Variants in MKX observed in about 807,000 individuals in gnomAD.
The protein encoded by MKX is homeobox protein Mohawk.
In MKX, 13 loss-of-function variants were observed where a neutral mutation model predicts 36.0. The observed-to-expected ratio is 0.36, with a 90% CI of 0.24 to 0.57. The LOEUF is 0.57. Ranked by LOEUF, MKX falls within the 20% of genes least tolerant of loss-of-function variation. MKX has a pLI of 0.79. For missense variants in MKX, 458 were observed against 456.4 expected (o/e 1.00, Z -0.03); for synonymous variants, 176 against 178.3 (o/e 0.99, Z 0.10).
chr10:27,735,830 A>G (rs1834757889), intron 3 of MKX, among the ~76,000 whole-genome samples: 1 of 152,200 alleles, frequency 6.6e-6, no homozygotes, highest in East Asian at 1.9e-4. Flanking sequence ...AGGGAAGTGC[A>G]TTCCCAATAA....
intron 5 of MKX, among the ~76,000 whole-genome samples, chr10:27,730,066 C>A (rs2132631677): frequency 6.6e-6 from 1 of 152,200 alleles, no homozygotes; most frequent in East Asian, 1.9e-4. Flanking sequence ...ATGATAAAAA[C>A]AAATTATAAT....
rs139474353 is a variant in MKX at position 27,684,884 on chromosome 10, C to T, written c.839-9330G>A. ...AGATTCTCACAAGAAGTGCGCAACCCTTGTATGCACAGTTCACAATAGGGT... is the reference window on the plus strand; with the variant it reads ...AGATTCTCACAAGAAGTGCGCAACCTTTGTATGCACAGTTCACAATAGGGT... On this transcript the variant is annotated intron_variant, in intron 5 of 6. Transcript: ENST00000419761. 2.0e-5 allele frequency among the ~76,000 whole-genome samples: 3 copies of T among 152,328 alleles called. No individual in the cohort carries two copies. The East Asian group carries it at 5.8e-4, about 29-fold the overall frequency.
chr10:27,720,951 G>T (rs1290622587), intron 5 of MKX, among the ~76,000 whole-genome samples: 1 of 152,062 alleles, frequency 6.6e-6, no homozygotes, highest in East Asian at 1.9e-4. Context: ...TTATTGAAAA[G>T]AACTCATCTG....
At chr10:27,689,727 G>C (rs955849105) in intron 5 of MKX, among the ~76,000 whole-genome samples, 1 of 151,414 alleles carries the variant, frequency 6.6e-6, no homozygotes, top group South Asian at 2.1e-4. Context: ...TTTAAATCTT[G>C]CCAAGAGATC....
Position 27,675,146 on chromosome 10 carries a change from T to A in MKX, c.*83A>T. 7.4e-7 allele frequency: 1 copy of A among 1,350,260 alleles called. No individual in the cohort carries two copies. The highest frequency in any genetic ancestry group is 1.4e-5 in the South Asian group (1 of 70,506). 83.6% of individuals were successfully genotyped at this position (1,350,260 alleles called of 1,614,324 possible). ...AGAAGAGGTTTGGGAGAGAGTCATT[T>A]TCATCCCTGCTTCGGCTCTTAGGAT... On this transcript the variant is annotated 3_prime_UTR_variant, in exon 7 of 7. Coordinates refer to ENST00000419761, the MANE Select transcript of MKX (RefSeq NM_173576.3).
chr10:27,720,758 T>C (rs992323369), intron 5 of MKX, among the ~76,000 whole-genome samples: 5 of 152,148 alleles, frequency 3.3e-5, no homozygotes, highest in African/African-American at 7.2e-5. Context: ...GAGTCAATGA[T>C]GTTTTGTAGG....
At chr10:27,730,563 T>C (rs1202606017) in intron 5 of MKX, among the ~76,000 whole-genome samples, 4 of 151,492 alleles carry the variant, frequency 2.6e-5, no homozygotes, top group Non-Finnish European at 5.9e-5. Flanking sequence ...GTTCAAGCGA[T>C]TCTCGTACCT....
chr10:27,689,258 C>A (rs577576473), intron 5 of MKX, among the ~76,000 whole-genome samples: 27 of 152,148 alleles, frequency 1.8e-4, no homozygotes, highest in Non-Finnish European at 3.8e-4. Context: ...GAGCGGCAAA[C>A]GGCAGTTTTT....
chr10:27,739,270 T>G lies in MKX; in HGVS notation c.348+2075A>C, dbSNP rs531674504. On this transcript the variant is annotated intron_variant, in intron 3 of 6. Coordinates refer to ENST00000419761, the MANE Select transcript of MKX (RefSeq NM_173576.3). ...CAATGATCAGCCATAGGATCAGCCATAAGATCCGTTGGTAATTCTATACAT... is the reference window on the plus strand; with the variant it reads ...CAATGATCAGCCATAGGATCAGCCAGAAGATCCGTTGGTAATTCTATACAT... 1.1e-4 allele frequency among the ~76,000 whole-genome samples: 17 copies of G among 152,236 alleles called. No individual in the cohort carries two copies. In the South Asian group the frequency reaches 3.5e-3, roughly 32 times the overall value.
At chr10:27,708,966 C>T (rs566468956) in intron 5 of MKX, among the ~76,000 whole-genome samples, 1 of 151,968 alleles carries the variant, frequency 6.6e-6, no homozygotes, top group South Asian at 2.1e-4. Context: ...GTCAGGAGTT[C>T]GAGACCAGCC....
chr10:27,702,821 A>G (rs544903040), intron 5 of MKX, among the ~76,000 whole-genome samples: 2 of 152,324 alleles, frequency 1.3e-5, no homozygotes, highest in South Asian at 4.1e-4. Flanking sequence ...ACAACAAAAA[A>G]TCTTGAAAAA....
chr10:27,691,875 G>A (rs1836460100), intron 5 of MKX, among the ~76,000 whole-genome samples: 1 of 152,164 alleles, frequency 6.6e-6, no homozygotes, highest in Admixed American at 6.5e-5. Flanking sequence ...GGCTGCAAAG[G>A]TTATAACTTA....
chr10:27,703,271 A>G (rs979296666), intron 5 of MKX, among the ~76,000 whole-genome samples: 1 of 152,202 alleles, frequency 6.6e-6, no homozygotes, highest in African/African-American at 2.4e-5. Flanking sequence ...ACCTTGAAAC[A>G]GCCCTGGGAG....
intron 5 of MKX, among the ~76,000 whole-genome samples, chr10:27,702,457 T>C (rs532879368): frequency 9.8e-4 from 150 of 152,322 alleles, no homozygotes; most frequent in Non-Finnish European, 1.7e-3. Context: ...AAAGCAAATT[T>C]GCAAATTTTA....
chr10:27,711,440 TTTCTTTCTTTC>T (rs1475514873), intron 5 of MKX, among the ~76,000 whole-genome samples: 1 of 35,216 alleles, frequency 2.8e-5, no homozygotes, highest in Non-Finnish European at 5.3e-5. Flanking sequence ...TCTTTCTTTC[TTTCTTTCTTTC>T]TTTCTTTCTT....
intron 5 of MKX, among the ~76,000 whole-genome samples, chr10:27,678,487 C>G (rs1204150392): frequency 1.3e-5 from 2 of 152,212 alleles, no homozygotes; most frequent in Non-Finnish European, 2.9e-5. Context: ...GTAACTGACA[C>G]TCTGGCTCCC....
chr10:27,729,554 G>T (rs1330050315), intron 5 of MKX, among the ~76,000 whole-genome samples: 1 of 151,838 alleles, frequency 6.6e-6, no homozygotes, highest in Non-Finnish European at 1.5e-5. Context: ...TGATCCACTG[G>T]CCTCGGCTTC....
At chr10:27,685,597 C>T (rs921022020) in intron 5 of MKX, among the ~76,000 whole-genome samples, 3 of 152,112 alleles carry the variant, frequency 2.0e-5, no homozygotes, top group Non-Finnish European at 2.9e-5. Flanking sequence ...TACAGGCGCC[C>T]GCCACCACGC....
chr10:27,682,489 A>C (rs1417705544), intron 5 of MKX, among the ~76,000 whole-genome samples: 3 of 152,170 alleles, frequency 2.0e-5, no homozygotes, highest in Non-Finnish European at 4.4e-5. Flanking sequence ...AGCAACTTCC[A>C]GCCTTGCAAG....
Sources: gnomAD v4.1 joint callset for allele counts (sites outside exome capture counted in the v4.1 genomes callset) on GRCh38, gnomAD v4.1.1 for gene constraint, MANE v1.5 for transcripts, NCBI Gene and HGNC (gene_info 2026-07-23, HGNC 2026-07-21) for gene names.